Variants in RTN1 observed in about 807,000 individuals in gnomAD.
RTN1 encodes reticulon 1, also known as reticulon-1.
RTN1 carries 25 observed loss-of-function variants against 65.5 expected under a neutral mutation model. The ratio of observed to expected loss-of-function variants is 0.38; its 90% CI spans 0.28 to 0.53. The LOEUF is 0.53. Ranked by LOEUF, RTN1 falls within the 20% of genes least tolerant of loss-of-function variation. The probability of loss-of-function intolerance (pLI) is 0.79; values close to 1 mark genes in which losing one functional copy is unlikely to be tolerated. For missense variants in RTN1, 983 were observed against 1,025.4 expected (o/e 0.96, Z 0.57); for synonymous variants, 471 against 447.6 (o/e 1.05, Z -0.66).
At chr14:59,843,821 T>C (rs146783411) in intron 1 of RTN1, among the ~76,000 whole-genome samples, 153 of 152,308 alleles carry the variant, frequency 1.0e-3, no homozygotes, top group African/African-American at 3.3e-3. Flanking sequence ...TTGTCACTAA[T>C]GTCATTTGTT....
chr14:59,831,511 C>T (rs959677791), intron 1 of RTN1, among the ~76,000 whole-genome samples: 1 of 152,092 alleles, frequency 6.6e-6, no homozygotes, highest in Non-Finnish European at 1.5e-5. Context: ...CAGGTTTTGC[C>T]GACTCATCCT....
At chr14:59,639,269 C>T (rs1882727603) in intron 3 of RTN1, among the ~76,000 whole-genome samples, 3 of 152,170 alleles carry the variant, frequency 2.0e-5, no homozygotes, top group South Asian at 4.1e-4. Context: ...ATCACCATAA[C>T]AGTTGTCATA....
intron 1 of RTN1, among the ~76,000 whole-genome samples, chr14:59,757,747 T>G (rs143719405): frequency 1.7e-4 from 26 of 152,296 alleles, no homozygotes; most frequent in African/African-American, 5.5e-4. Flanking sequence ...GCCTTGATCT[T>G]GGACTTTCTA....
intron 1 of RTN1, among the ~76,000 whole-genome samples, chr14:59,853,251 G>C (rs1231021979): frequency 3.3e-5 from 5 of 151,998 alleles, no homozygotes; most frequent in African/African-American, 9.7e-5. Flanking sequence ...TCTGTCACAG[G>C]CATGATCAAC....
At chr14:59,639,410 G>GT (rs1472599378) in intron 3 of RTN1, among the ~76,000 whole-genome samples, 1 of 152,100 alleles carries the variant, frequency 6.6e-6, no homozygotes, top group East Asian at 1.9e-4. Context: ...TTCAATTTGT[G>GT]TTTTAAAAAA....
chr14:59,774,091 T>G lies in RTN1; in HGVS notation c.242-27610A>C, dbSNP rs963031798. ...TTACAAATTTGGGCAAGTATCCACA[T>G]TATGGTAAAGAGTGTCTGTAGTGGA... is the stretch of plus-strand genomic sequence containing the variant. On this transcript the variant is annotated intron_variant, in intron 1 of 8. Coordinates refer to ENST00000267484, the MANE Select transcript of RTN1 (RefSeq NM_021136.3). This position sits in a 1 kb window ranked among gnomAD's most constrained non-coding sequence, Gnocchi z 5.1. Among the ~76,000 whole-genome samples the G allele has an allele frequency of 4.6e-5, 7 of 152,178 alleles. No homozygotes were observed. The highest frequency in any genetic ancestry group is 1.7e-4 in the African/African-American group (7 of 41,448).
At chr14:59,845,517 T>A (rs1262780602) in intron 1 of RTN1, among the ~76,000 whole-genome samples, 2 of 152,104 alleles carry the variant, frequency 1.3e-5, no homozygotes, top group Non-Finnish European at 2.9e-5. Context: ...CTCCTTAACC[T>A]CCCATGCCTC....
chr14:59,783,091 GA>G (rs1160326422), intron 1 of RTN1, among the ~76,000 whole-genome samples: 2 of 152,166 alleles, frequency 1.3e-5, no homozygotes, highest in Non-Finnish European at 2.9e-5. Context: ...AAGCAAGACA[GA>G]AAAAAGGTTA....
At position 59,726,783 on chromosome 14, in the gene RTN1, C is replaced by G. The variant is rs570649159; in HGVS notation, c.1765+136G>C. 1.7e-4 allele frequency: 133 copies of G among 764,468 alleles called. 3 individuals carry two copies. Among genetic ancestry groups the G allele is most frequent in the South Asian group, 1.4e-3 (73 of 52,750 alleles). The allele number at this position is 764,468 out of a possible 1,614,324, so 47.4% of individuals were successfully genotyped here. A position where few individuals can be genotyped will look rare whatever the true frequency, so the allele number is the denominator to read the frequency against. On this transcript the variant is annotated intron_variant, in intron 3 of 8. Transcript: ENST00000267484. ...AATTCTCTCATCTCCTCCCATCCCCCCTGGAACCGTTCTCTGGTCAACTGT... is the reference window on the plus strand; with the variant it reads ...AATTCTCTCATCTCCTCCCATCCCCGCTGGAACCGTTCTCTGGTCAACTGT...
intron 1 of RTN1, among the ~76,000 whole-genome samples, chr14:59,748,473 G>C (rs1030328819): frequency 1.3e-5 from 2 of 151,672 alleles, no homozygotes; most frequent in African/African-American, 4.8e-5. Context: ...AAATGTCGCC[G>C]TCTTAAGAAA....
chr14:59,779,342 A>C (rs1293118385), intron 1 of RTN1, among the ~76,000 whole-genome samples: 1 of 152,070 alleles, frequency 6.6e-6, no homozygotes, highest in Admixed American at 6.6e-5. Context: ...AATTCTATTA[A>C]TATTTAAGAT....
intron 1 of RTN1, among the ~76,000 whole-genome samples, chr14:59,773,355 T>C (rs1225679186): frequency 6.6e-6 from 1 of 152,140 alleles, no homozygotes; most frequent in Non-Finnish European, 1.5e-5. Context: ...AAACTGAAGA[T>C]AGTACTATGT....
At chr14:59,605,888 C>T (rs533171712) in intron 4 of RTN1, 1 of 157,802 alleles carries the variant, frequency 6.3e-6, no homozygotes, top group East Asian at 1.9e-4. Flanking sequence ...GTTGAGATAG[C>T]TCAAAATCCT....
chr14:59,796,270 G>T (rs145891211), intron 1 of RTN1, among the ~76,000 whole-genome samples: 2 of 152,066 alleles, frequency 1.3e-5, no homozygotes, highest in Non-Finnish European at 2.9e-5. Flanking sequence ...GGTATGTAGC[G>T]AACTATACCA....
intron 3 of RTN1, among the ~76,000 whole-genome samples, chr14:59,707,011 A>C (rs999620894): frequency 1.3e-5 from 2 of 152,254 alleles, no homozygotes; most frequent in Non-Finnish European, 2.9e-5. Context: ...CAAGGAACTT[A>C]ACTAAGAATC....
chr14:59,862,334 A>T lies in RTN1; in HGVS notation c.241+8056T>A, dbSNP rs146418557. Among the ~76,000 whole-genome samples, 54 of 152,222 alleles carry T rather than the reference A, an allele frequency of 3.5e-4. No individual in the cohort carries two copies. In the Middle Eastern group the frequency reaches 0.01, roughly 29 times the overall value. ...TGTCATGGTTCATTGTGATGTCAGT[A>T]ATCATGTAGGTGACTGTTTCACTCC... On this transcript the variant is annotated intron_variant, in intron 1 of 8. Transcript: ENST00000267484.
At chr14:59,792,581 T>C (rs1289388964) in intron 1 of RTN1, among the ~76,000 whole-genome samples, 1 of 152,174 alleles carries the variant, frequency 6.6e-6, no homozygotes, top group East Asian at 1.9e-4. Context: ...ATCAACAATA[T>C]TCTCAATGGC....
At chr14:59,603,349 T>C (rs1881640812) in intron 6 of RTN1, 91 bp from the exon 7 acceptor site, 1 of 975,304 alleles carries the variant, frequency 1.0e-6, no homozygotes, top group Non-Finnish European at 1.6e-6. Flanking sequence ...TATGATATTA[T>C]AGCATTATTT....
chr14:59,619,064 G>A (rs73307684), intron 3 of RTN1, among the ~76,000 whole-genome samples: 4,212 of 152,306 alleles, frequency 0.028, 117 homozygotes, highest in African/African-American at 0.068. Flanking sequence ...AAGAGGATGT[G>A]GGATGGTATG....
Sources: gnomAD v4.1 joint callset for allele counts (sites outside exome capture counted in the v4.1 genomes callset) on GRCh38, gnomAD v4.1.1 for gene constraint, Gnocchi (gnomAD v3.1) non-coding constraint, MANE v1.5 for transcripts, NCBI Gene and HGNC (gene_info 2026-07-23, HGNC 2026-07-21) for gene names.